Variants in COL2A1 observed in about 807,000 individuals in gnomAD.
COL2A1 encodes the protein collagen alpha-1(II) chain.
COL2A1 carries 28 observed loss-of-function variants against 204.5 expected under a neutral mutation model. That is an observed-to-expected ratio of 0.14 (90% CI 0.10 to 0.19). The LOEUF is 0.19. Among genes scored for constraint, COL2A1 ranks in the 10% least tolerant of loss-of-function variants. The pLI is 1.00. For missense variants in COL2A1, 1,388 were observed against 2,027.5 expected (o/e 0.68, Z 6.06); for synonymous variants, 708 against 718.7 (o/e 0.99, Z 0.24).
rs776365099 is a variant in COL2A1, at chr12:48,004,335, G to A, written c.-14C>T. 2.6e-6 allele frequency: 4 copies of A among 1,512,106 alleles called. No homozygotes were observed. Among genetic ancestry groups the A allele is most frequent in the Non-Finnish European group, 3.6e-6 (4 of 1,113,328 alleles). 93.7% of individuals were successfully genotyped at this position (1,512,106 alleles called of 1,614,324 possible). On this transcript the variant is annotated 5_prime_UTR_variant, in exon 1 of 54. Coordinates refer to ENST00000380518, the MANE Select transcript of COL2A1 (RefSeq NM_001844.5). The stretch of plus-strand genomic sequence containing the variant: ...GAGGCGAATCATGGCTCACCGCGGG[G>A]CCTGGCTGAGCCGGGCCCGGGCGGA...
intron 1 of COL2A1, among the ~76,000 whole-genome samples, chr12:48,003,754 C>A (rs189878364): frequency 1.5e-3 from 221 of 152,292 alleles, no homozygotes; most frequent in Admixed American, 5.4e-3. Context: ...AGCCACCAAG[C>A]CTTGGACAGG....
intron 2 of COL2A1, chr12:47,998,703 C>T (rs1017201795): frequency 1.7e-5 from 8 of 467,844 alleles, no homozygotes; most frequent in African/African-American, 1.6e-4. Flanking sequence ...AAGGGCAGCA[C>T]AAAAAGGCAA....
rs763390467 is a variant in COL2A1, at chr12:47,973,410, C to CAAG, written c.4458_4460dup (p.Phe1486dup). The CAAG allele has an allele frequency of 6.2e-7, 1 of 1,614,164 alleles. No individual in the cohort carries two copies. The highest frequency in any genetic ancestry group is 8.5e-7 in the Non-Finnish European group (1 of 1,180,042). ...TGTTGTTTCTGGGTTCAGGTTTTTA[C>CAAG]AAGAAGCAGACCGGCCCTATGTCCA... On this transcript the variant is annotated inframe_insertion, in exon 54 of 54. Transcript: ENST00000380518.
rs1394888487 is a variant in COL2A1, at chr12:47,989,657, G to A, written c.1068+104C>T. ...CTCCCCCTTTCCAGTAGACATCAGA[G>A]TGCTGCTGTGGTTGCACCCAATACA... On this transcript the variant is annotated intron_variant, in intron 17 of 53. Coordinates refer to ENST00000380518, the MANE Select transcript of COL2A1 (RefSeq NM_001844.5). 8.5e-6 allele frequency: 8 copies of A among 939,924 alleles called. No individual in the cohort carries two copies. In the African/African-American group the frequency reaches 9.6e-5, roughly 11 times the overall value. The allele number at this position is 939,924 out of a possible 1,614,324, so 58.2% of individuals were successfully genotyped here. A position where few individuals can be genotyped will look rare whatever the true frequency, so the allele number is the denominator to read the frequency against.
intron 7 of COL2A1, 58 bp downstream of exon 7, chr12:47,997,547 AT>A: frequency 6.2e-7 from 1 of 1,613,418 alleles, no homozygotes; most frequent in Non-Finnish European, 8.5e-7. Flanking sequence ...GCAAGCAGCA[AT>A]TTAAAAGCCA....
chr12:47,982,129 G>T lies in COL2A1; in HGVS notation c.2333C>A (p.Ala778Asp). The stretch of plus-strand genomic sequence containing the variant: ...TACTCGTCCACCATCCTTTCCAGGG[G>T]CTCCCTCAGGGCCTTTCTCACCAAC... ...GDVGEKGPEG[A>D]PGKDGGRGLT... Residue 778 changes from alanine (A) to aspartate (D), a missense_variant, in exon 35 of 54, where the codon GCC (alanine) becomes GAC (aspartate). Ala to Asp is a moderately radical substitution (Grantham distance 126, BLOSUM62 -2). Around this residue, in one of 3 missense-constraint regions of COL2A1, gnomAD observed 884 missense variants for 1,415.8 expected, o/e 0.62. Coordinates refer to ENST00000380518, the MANE Select transcript of COL2A1 (RefSeq NM_001844.5). The T allele has an allele frequency of 1.9e-6, 3 of 1,613,956 alleles. No homozygotes were observed. The highest frequency in any genetic ancestry group is 2.5e-6 in the Non-Finnish European group (3 of 1,179,904).
chr12:47,998,676 A>G, intron 2 of COL2A1: 1 of 532,482 alleles, frequency 1.9e-6, no homozygotes, highest in Non-Finnish European at 3.4e-6. Flanking sequence ...AGCAGGCAGC[A>G]TGCAAAAGAA....
chr12:47,977,112 C>G lies in COL2A1; in HGVS notation c.3317G>C (p.Arg1106Pro). Residue 1106 changes from arginine (R) to proline (P), a missense_variant, in exon 47 of 54, where the codon CGG becomes CCG. Coordinates refer to ENST00000380518, the MANE Select transcript of COL2A1 (RefSeq NM_001844.5). ...PMGPSGPAGA[R>P]GIQGPQGPRG... ...CACTTGGATACTCACCTGGATTCCC[C>G]GGGCTCCAGCTGGTCCTGAGGGTCC... 1 of 1,607,758 alleles carries G rather than the reference C, an allele frequency of 6.2e-7. No homozygotes were observed. Among genetic ancestry groups the G allele is most frequent in the Non-Finnish European group, 8.5e-7 (1 of 1,177,686 alleles).
upstream of COL2A1, among the ~76,000 whole-genome samples, chr12:48,004,863 T>G (rs1940404629): frequency 6.6e-6 from 1 of 152,048 alleles, no homozygotes; most frequent in Non-Finnish European, 1.5e-5. Context: ...CCGAGAGCCC[T>G]AGACCAAGGA....
In COL2A1 at chr12:47,987,956, G is replaced by A. The variant is rs897011860; in HGVS notation, c.1123-247C>T. Among the ~76,000 whole-genome samples the A allele has an allele frequency of 6.6e-6, 1 of 152,066 alleles. No homozygotes were observed. The highest frequency in any genetic ancestry group is 1.5e-5 in the Non-Finnish European group (1 of 68,018). On this transcript the variant is annotated intron_variant, in intron 18 of 53. Coordinates refer to ENST00000380518, the MANE Select transcript of COL2A1 (RefSeq NM_001844.5). The surrounding 1 kb of genome is among the most constrained non-coding windows in gnomAD (Gnocchi z 4.1). The stretch of plus-strand genomic sequence containing the variant: ...ACTGCTTACCTCATCTCTACACAGT[G>A]AGCCTCCACATGCCACGGCACAGCT...
chr12:47,993,624 T>A, intron 14 of COL2A1, 122 bp from the exon 15 acceptor site: 1 of 1,092,974 alleles, frequency 9.1e-7, no homozygotes, highest in Non-Finnish European at 1.4e-6. Context: ...TTCAGTCCTG[T>A]GAGGGACAAT....
chr12:48,005,961 G>T (rs1940454238), upstream of COL2A1: 1 of 152,260 alleles, frequency 6.6e-6, no homozygotes, highest in Non-Finnish European at 1.5e-5. Context: ...GTTGGAAAGG[G>T]AAAGAACTCA....
In COL2A1 at chr12:47,983,715, C is replaced by T. The variant is rs1359971369; in HGVS notation, c.1963G>A (p.Glu655Lys). 8 of 1,597,012 alleles carry T rather than the reference C, an allele frequency of 5.0e-6. No individual in the cohort carries two copies. The highest frequency in any genetic ancestry group is 6.8e-6 in the Non-Finnish European group (8 of 1,171,856). Residue 655 changes from glutamate to lysine, a missense_variant, in exon 30 of 54, where the codon GAG (glutamate) becomes AAG (lysine). This residue lies in a region of COL2A1 where 884 missense variants were observed against 1,415.8 expected (regional missense o/e 0.62). Transcript: ENST00000380518. ...GPAGPAGERG[E>K]QGAPGPSGFQ... ...CCAGATGGCCCAGGAGCACCCTGCT[C>T]GCCTCGTTCACCAGCAGGTCCCTGC...
At chr12:47,973,644 G>T in intron 53 of COL2A1, 91 bp from the exon 54 acceptor site, 2 of 1,475,378 alleles carry the variant, frequency 1.4e-6, no homozygotes, top group Non-Finnish European at 1.9e-6. Flanking sequence ...ACAAACTGGC[G>T]AGCATCAGAG....
Position 47,995,929 on chromosome 12 carries a change from A to G in COL2A1, c.610-10T>C. 2 of 1,611,934 alleles carry G rather than the reference A, an allele frequency of 1.2e-6. No individual in the cohort carries two copies. The highest frequency in any genetic ancestry group is 1.7e-6 in the Non-Finnish European group (2 of 1,178,056). On this transcript the variant is annotated splice_polypyrimidine_tract_variant and intron_variant, in intron 8 of 53. Transcript: ENST00000380518. ...GAGGTCCCATGGGGCCCTGCATCGGAACAGAAAATGAGGGGTTTACTACAC... is the reference window on the plus strand; with the variant it reads ...GAGGTCCCATGGGGCCCTGCATCGGGACAGAAAATGAGGGGTTTACTACAC...
At position 47,978,108 on chromosome 12, in the gene COL2A1, C is replaced by T. The variant is rs753342774; in HGVS notation, c.3013G>A (p.Gly1005Ser). ...GATGCTCCAGGAGCACCCTGCTTGC[C>T]GGGCTCACCCTGGAGGGACAGAGAC... ...PGLPGPSGEP[G>S]KQGAPGASGD... The change falls in exon 44 of 54, where the codon GGC becomes AGC. Residue 1005 changes from glycine (G) to serine (S), a missense_variant. Around this residue, in one of 3 missense-constraint regions of COL2A1, gnomAD observed 884 missense variants for 1,415.8 expected, o/e 0.62. Transcript: ENST00000380518. This position sits in a 1 kb window ranked among gnomAD's most constrained non-coding sequence, Gnocchi z 5.5. The T allele has an allele frequency of 6.2e-7, 1 of 1,613,102 alleles. No homozygotes were observed. Among genetic ancestry groups the T allele is most frequent in the South Asian group, 1.1e-5 (1 of 90,864 alleles).
At chr12:48,000,992 G>C (rs1428847416) in intron 1 of COL2A1, 4 of 152,414 alleles carry the variant, frequency 2.6e-5, no homozygotes, top group East Asian at 1.9e-4. Context: ...TACCTGGCTA[G>C]GGCTAAGATT....
chr12:47,983,171 G>A (rs193292157), intron 31 of COL2A1, 34 bp from the exon 32 acceptor site: 7 of 1,607,892 alleles, frequency 4.4e-6, no homozygotes, highest in Non-Finnish European at 5.9e-6. Context: ...GAGAGTGAAG[G>A]CTTCATATCA....
rs7971880 is a variant in COL2A1 at position 47,997,272 on chromosome 12, G to A, written c.531+334C>T. On this transcript the variant is annotated intron_variant, in intron 7 of 53. Transcript: ENST00000380518. The stretch of plus-strand genomic sequence containing the variant: ...TGTCTTCCAAGGACAGTGGTCACTC[G>A]TCTTCCAGGGAAATACAAGTGCCCA... Among the ~76,000 whole-genome samples the A allele has an allele frequency of 0.26, 39,465 of 152,062 alleles. 6,406 individuals carry two copies. The highest frequency in any genetic ancestry group is 0.37 in the Non-Finnish European group (25,079 of 67,952).
Sources: gnomAD v4.1 joint callset for allele counts (sites outside exome capture counted in the v4.1 genomes callset) on GRCh38, gnomAD v4.1.1 for gene constraint, gnomAD v4.1.1 regional missense constraint, Gnocchi (gnomAD v3.1) non-coding constraint, MANE v1.5 for transcripts, NCBI Gene and HGNC (gene_info 2026-07-23, HGNC 2026-07-21) for gene names.